Variants in ANKRD44 observed in about 807,000 individuals in gnomAD.
ANKRD44 encodes the protein serine/threonine-protein phosphatase 6 regulatory ankyrin repeat subunit B.
Under a neutral mutation model 116.0 loss-of-function variants are expected in ANKRD44, and 35 were observed. That is an observed-to-expected ratio of 0.30 (90% confidence interval 0.23 to 0.40). The LOEUF is 0.40. ANKRD44 is among the 10% of genes least tolerant of loss of function. ANKRD44 has a pLI of 1.00. For synonymous variants in ANKRD44, 435 were observed against 461.8 expected (o/e 0.94, Z 0.74); for missense variants, 1,014 against 1,242.6 (o/e 0.82, Z 2.77).
intron 1 of ANKRD44, among the ~76,000 whole-genome samples, chr2:197,283,201 AC>A (rs995558449): frequency 2.0e-5 from 3 of 152,142 alleles, no homozygotes; most frequent in Non-Finnish European, 4.4e-5. Context: ...GAGTTTGGTT[AC>A]CCTTGTCCAG....
intron 1 of ANKRD44, among the ~76,000 whole-genome samples, chr2:197,309,638 A>C (rs2084181020): frequency 6.6e-6 from 1 of 152,190 alleles, no homozygotes; most frequent in African/African-American, 2.4e-5. Flanking sequence ...CCAGGACCCC[A>C]AAACAAAGTT....
rs549013432 is a variant in ANKRD44, at chr2:197,214,887, G to GT, written c.28-27782dup. Among the ~76,000 whole-genome samples the GT allele has an allele frequency of 5.2e-3, 783 of 151,730 alleles. 8 individuals carry two copies. Among genetic ancestry groups the GT allele is most frequent in the African/African-American group, 0.018 (745 of 41,340 alleles). ...AGCTGGATTTTTTTGTTTTTGTTTT[G>GT]TTTTTTTTGAGACAGAGTCTCACTC... On this transcript the variant is annotated intron_variant, in intron 1 of 27. Coordinates refer to ENST00000282272, the MANE Select transcript of ANKRD44 (RefSeq NM_001195144.2).
intron 21 of ANKRD44, among the ~76,000 whole-genome samples, chr2:197,004,056 T>C (rs979311343): frequency 2.0e-5 from 3 of 152,082 alleles, no homozygotes; most frequent in African/African-American, 7.2e-5. Context: ...AATTGACTAA[T>C]TGAAAATGTA....
chr2:197,057,895 A>G (rs2077234211), intron 16 of ANKRD44, among the ~76,000 whole-genome samples: 1 of 152,298 alleles, frequency 6.6e-6, no homozygotes, highest in East Asian at 1.9e-4. Flanking sequence ...AATTAAAAAT[A>G]AAATAATTTT....
intron 2 of ANKRD44, among the ~76,000 whole-genome samples, chr2:197,151,864 A>G (rs2079660478): frequency 1.3e-5 from 2 of 152,244 alleles, no homozygotes; most frequent in African/African-American, 4.8e-5. Flanking sequence ...CAAATGCAAT[A>G]AGACAAAAAT....
intron 16 of ANKRD44, among the ~76,000 whole-genome samples, chr2:197,061,332 G>A (rs1365197183): frequency 6.6e-6 from 1 of 152,176 alleles, no homozygotes; most frequent in East Asian, 1.9e-4. Flanking sequence ...GTTGTCGGGT[G>A]GGGACTGCAG....
chr2:197,119,263 G>A (rs957039234), intron 8 of ANKRD44, among the ~76,000 whole-genome samples: 1 of 151,744 alleles, frequency 6.6e-6, no homozygotes, highest in African/African-American at 2.4e-5. Flanking sequence ...TAATGCTCAG[G>A]TCTGATCATA....
chr2:197,277,862 T>C (rs1047191949), intron 1 of ANKRD44, among the ~76,000 whole-genome samples: 1 of 152,176 alleles, frequency 6.6e-6, no homozygotes, highest in Non-Finnish European at 1.5e-5. Flanking sequence ...CATTCACATA[T>C]GGCTGGAAAG....
At chr2:197,278,196 T>A (rs1278091723) in intron 1 of ANKRD44, among the ~76,000 whole-genome samples, 2 of 151,784 alleles carry the variant, frequency 1.3e-5, no homozygotes, top group Admixed American at 1.3e-4. Flanking sequence ...TGCTAAGGGG[T>A]TAAGGGGTGT....
chr2:197,268,176 G>A (rs1392176500), intron 1 of ANKRD44, among the ~76,000 whole-genome samples: 7 of 152,238 alleles, frequency 4.6e-5, no homozygotes, highest in Non-Finnish European at 1.0e-4. Context: ...TACCCCAGAA[G>A]CTGTGGAGCT....
intron 1 of ANKRD44, among the ~76,000 whole-genome samples, chr2:197,289,207 C>A (rs533123517): frequency 1.2e-3 from 190 of 152,058 alleles, no homozygotes; most frequent in Middle Eastern, 3.4e-3. Flanking sequence ...GAAAAAATAC[C>A]AAAAAACTCA....
rs2075861513 is a variant in ANKRD44, at chr2:196,988,226, C to T, written c.*1365G>A. ...AGCATTTCATTTCCTGCTTGAAATG[C>T]CAACTGAGCAAGATTTCCATTCACT... On this transcript the variant is annotated 3_prime_UTR_variant, in exon 28 of 28. Coordinates refer to ENST00000282272, the MANE Select transcript of ANKRD44 (RefSeq NM_001195144.2). 1.0e-6 allele frequency: 1 copy of T among 985,264 alleles called. No individual in the cohort carries two copies. The highest frequency in any genetic ancestry group is 1.2e-6 in the Non-Finnish European group (1 of 829,934). 61.0% of individuals were successfully genotyped at this position (985,264 alleles called of 1,614,324 possible).
chr2:196,997,171 A>G (rs960209762), intron 25 of ANKRD44, among the ~76,000 whole-genome samples: 1 of 151,618 alleles, frequency 6.6e-6, no homozygotes, highest in Non-Finnish European at 1.5e-5. Flanking sequence ...AAAAAATCCT[A>G]AATCTGAAAC....
chr2:197,242,755 G>C (rs1236223890), intron 1 of ANKRD44, among the ~76,000 whole-genome samples: 1 of 152,194 alleles, frequency 6.6e-6, no homozygotes, highest in Non-Finnish European at 1.5e-5. Flanking sequence ...ATCAAGAGAG[G>C]CAAAGGACAT....
chr2:196,990,082 C>T (rs1264998167), intron 27 of ANKRD44: 1 of 1,006,082 alleles, frequency 9.9e-7, no homozygotes, highest in Admixed American at 5.7e-5. Context: ...CATCTGGCAA[C>T]TTTAACAGAG....
At chr2:197,081,193 G>A (rs1265459612) in intron 15 of ANKRD44, among the ~76,000 whole-genome samples, 2 of 152,192 alleles carry the variant, frequency 1.3e-5, no homozygotes, top group Non-Finnish European at 2.9e-5. Flanking sequence ...TTCCTAAATT[G>A]ATGTGCATGT....
intron 2 of ANKRD44, among the ~76,000 whole-genome samples, chr2:197,175,201 T>G (rs2080336445): frequency 6.6e-6 from 1 of 152,202 alleles, no homozygotes; most frequent in Non-Finnish European, 1.5e-5. Flanking sequence ...AGGTCCTATT[T>G]CTTTAAGTGT....
intron 1 of ANKRD44, among the ~76,000 whole-genome samples, chr2:197,188,761 TC>T (rs1226496911): frequency 6.7e-6 from 1 of 149,970 alleles, no homozygotes; most frequent in Non-Finnish European, 1.5e-5. Flanking sequence ...ACACACACAT[TC>T]ACCCAAAATT....
intron 1 of ANKRD44, among the ~76,000 whole-genome samples, chr2:197,202,537 G>A (rs949710289): frequency 6.6e-6 from 1 of 152,152 alleles, no homozygotes; most frequent in African/African-American, 2.4e-5. Context: ...GGTCAGAGTA[G>A]TGGACAATTT....
Sources: gnomAD v4.1 joint callset for allele counts (sites outside exome capture counted in the v4.1 genomes callset) on GRCh38, gnomAD v4.1.1 for gene constraint, MANE v1.5 for transcripts, NCBI Gene and HGNC (gene_info 2026-07-23, HGNC 2026-07-21) for gene names.